Variants in ADAM22 observed in about 807,000 individuals in gnomAD.
ADAM22 encodes disintegrin and metalloproteinase domain-containing protein 22.
ADAM22 carries 65 observed loss-of-function variants against 144.6 expected under a neutral mutation model. The observed-to-expected ratio is 0.45, with a 90% CI of 0.37 to 0.55. ADAM22 has a LOEUF of 0.55. Ranked by LOEUF, ADAM22 falls within the 20% of genes least tolerant of loss-of-function variation. ADAM22 has a pLI of 0.00. For missense variants in ADAM22, 974 were observed against 1,184.9 expected, an observed-to-expected ratio of 0.82 and a Z score of 2.61; for synonymous variants, 391 against 412.6, an observed-to-expected ratio of 0.95 and a Z score of 0.63.
intron 9 of ADAM22, among the ~76,000 whole-genome samples, chr7:88,128,881 C>T (rs1297529503): frequency 6.6e-6 from 1 of 151,874 alleles, no homozygotes; most frequent in Admixed American, 6.6e-5. Flanking sequence ...TTTGAGTTTT[C>T]AAAAATACTT....
rs1409745578 is a variant in ADAM22, at chr7:88,201,892, G to T, written c.*5401G>T. The T allele has an allele frequency of 6.6e-6, 1 of 152,070 alleles. No homozygotes were observed. The highest frequency in any genetic ancestry group is 1.5e-5 in the Non-Finnish European group (1 of 68,008). The allele number at this position is 152,070 out of a possible 1,614,324, so 9.4% of individuals were successfully genotyped here. On this transcript the variant is annotated 3_prime_UTR_variant, in exon 32 of 32. Transcript: ENST00000413139. ...AAATGTTATATATATATAATATTCT[G>T]ATCTGCATTCACCTTAGGGCTTAGC... is the stretch of plus-strand genomic sequence containing the variant.
chr7:87,994,755 G>A (rs751133073), intron 3 of ADAM22, among the ~76,000 whole-genome samples: 11 of 152,056 alleles, frequency 7.2e-5, no homozygotes, highest in Non-Finnish European at 1.3e-4. Context: ...CACAGAAACT[G>A]CCTAGTTAAT....
chr7:88,173,443 A>G (rs1434022435), intron 26 of ADAM22, among the ~76,000 whole-genome samples: 1 of 152,030 alleles, frequency 6.6e-6, no homozygotes, highest in Non-Finnish European at 1.5e-5. Context: ...AGTAGGTCTC[A>G]AAGTGGAGAA....
chr7:88,122,268 G>A (rs960514461), intron 7 of ADAM22, among the ~76,000 whole-genome samples: 1 of 152,216 alleles, frequency 6.6e-6, no homozygotes, highest in Admixed American at 6.5e-5. Context: ...TGTAATGAAA[G>A]CCAGTAAGGA....
chr7:88,120,329 T>A (rs1307748047), intron 7 of ADAM22, among the ~76,000 whole-genome samples: 1 of 151,746 alleles, frequency 6.6e-6, no homozygotes, highest in Non-Finnish European at 1.5e-5. Context: ...CCTCCCCCCT[T>A]CCCCCACCCC....
At chr7:88,085,465 C>T (rs1211506569) in intron 4 of ADAM22, among the ~76,000 whole-genome samples, 1 of 152,126 alleles carries the variant, frequency 6.6e-6, no homozygotes, top group African/African-American at 2.4e-5. Flanking sequence ...CCTGTTTGCA[C>T]CTACCAAGGA....
intron 2 of ADAM22, among the ~76,000 whole-genome samples, chr7:87,973,343 A>C (rs1850983091): frequency 6.6e-6 from 1 of 152,238 alleles, no homozygotes; most frequent in African/African-American, 2.4e-5. Context: ...AGAAGTGCTC[A>C]CCATCACTGG....
At position 88,130,297 on chromosome 7, in the gene ADAM22, G is replaced by A. The variant is rs181241521; in HGVS notation, c.754-91G>A. Reference sequence around the variant, plus strand: ...GATTTTTTTTTTTTTTACATTTTTAGGGATCTTTCAATTGCACCATGTTTT... The same window carrying A: ...GATTTTTTTTTTTTTTACATTTTTAAGGATCTTTCAATTGCACCATGTTTT... On this transcript the variant is annotated intron_variant, in intron 9 of 31. Coordinates refer to ENST00000413139, the MANE Select transcript of ADAM22 (RefSeq NM_001324418.2). The A allele has an allele frequency of 7.4e-5, 68 of 917,438 alleles. No homozygotes were observed. The African/African-American group carries it at 1.0e-3, about 14-fold the overall frequency. 56.8% of individuals were successfully genotyped at this position (917,438 alleles called of 1,614,324 possible). A position where few individuals can be genotyped will look rare whatever the true frequency, so the allele number is the denominator to read the frequency against.
chr7:88,124,457 G>C (rs1459143334), intron 7 of ADAM22, among the ~76,000 whole-genome samples: 1 of 150,928 alleles, frequency 6.6e-6, no homozygotes, highest in African/African-American at 2.4e-5. Context: ...TGTTTGTAAG[G>C]TGTATCTTCT....
rs188873507 is a variant in ADAM22 at position 88,070,019 on chromosome 7, C to G, written c.324-5607C>G. On this transcript the variant is annotated intron_variant, in intron 3 of 31. Coordinates refer to ENST00000413139, the MANE Select transcript of ADAM22 (RefSeq NM_001324418.2). The stretch of plus-strand genomic sequence containing the variant: ...TATTTTTTTTTTAAAAGAAATGTGC[C>G]GGGCTTTAAGCTAGCTATCTTTCTG... Among the ~76,000 whole-genome samples the G allele has an allele frequency of 2.0e-5, 3 of 152,056 alleles. No individual in the cohort carries two copies. In the East Asian group the frequency reaches 5.8e-4, roughly 29 times the overall value.
At chr7:88,136,625 A>C (rs1297765938) in intron 14 of ADAM22, among the ~76,000 whole-genome samples, 1 of 151,826 alleles carries the variant, frequency 6.6e-6, no homozygotes, top group African/African-American at 2.4e-5. Flanking sequence ...TATTCCTTTT[A>C]TTCCAAGCTT....
intron 4 of ADAM22, among the ~76,000 whole-genome samples, chr7:88,083,038 T>C (rs535261098): frequency 2.6e-5 from 4 of 152,260 alleles, no homozygotes; most frequent in East Asian, 1.9e-4. Context: ...CACATGCACA[T>C]GTATGTTTAT....
Position 88,095,115 on chromosome 7 carries a change from C to T in ADAM22, c.391-13061C>T, listed in dbSNP as rs1370273802. 3.3e-5 allele frequency among the ~76,000 whole-genome samples: 5 copies of T among 152,252 alleles called. No homozygotes were observed. The South Asian group carries it at 8.3e-4, about 25-fold the overall frequency. ...ATTTGTACAGAATTTCTGGCAAAGT[C>T]TTTGGTGGCTTCTACCCATTCTTAC... is the stretch of plus-strand genomic sequence containing the variant. On this transcript the variant is annotated intron_variant, in intron 4 of 31. Transcript: ENST00000413139.
chr7:87,944,962 C>A (rs1584482150), intron 2 of ADAM22, among the ~76,000 whole-genome samples: 1 of 143,392 alleles, frequency 7.0e-6, no homozygotes, highest in East Asian at 2.1e-4. Context: ...TTTATTATTT[C>A]TTCCTCCTCT....
At chr7:88,053,691 G>T (rs1316679293) in intron 3 of ADAM22, among the ~76,000 whole-genome samples, 1 of 152,132 alleles carries the variant, frequency 6.6e-6, no homozygotes. Flanking sequence ...AAATATCTTA[G>T]AGCTAATTCC....
intron 4 of ADAM22, 30 bp downstream of exon 4, chr7:88,075,722 A>G (rs1203997276): frequency 1.3e-6 from 2 of 1,530,898 alleles, no homozygotes; most frequent in African/African-American, 1.4e-5. Flanking sequence ...TTGTGGGGAA[A>G]TTTGTTGAGA....
intron 3 of ADAM22, among the ~76,000 whole-genome samples, chr7:88,012,495 G>C (rs759221854): frequency 1.3e-5 from 2 of 152,160 alleles, no homozygotes; most frequent in Non-Finnish European, 2.9e-5. Flanking sequence ...CTGGCTAGTT[G>C]TGCAGTTTTA....
intron 2 of ADAM22, among the ~76,000 whole-genome samples, chr7:87,941,203 CT>C (rs1372824493): frequency 6.6e-6 from 1 of 152,202 alleles, no homozygotes; most frequent in Non-Finnish European, 1.5e-5. Flanking sequence ...AGTGTTATAG[CT>C]TCCCAAGTAC....
intron 7 of ADAM22, among the ~76,000 whole-genome samples, chr7:88,118,019 T>TTA: frequency 6.6e-6 from 1 of 152,288 alleles, no homozygotes; most frequent in Admixed American, 6.5e-5. Flanking sequence ...TAATCTCGTT[T>TTA]TAATCTTTGC....
Sources: gnomAD v4.1 joint callset for allele counts (sites outside exome capture counted in the v4.1 genomes callset) on GRCh38, gnomAD v4.1.1 for gene constraint, MANE v1.5 for transcripts, NCBI Gene and HGNC (gene_info 2026-07-23, HGNC 2026-07-21) for gene names.